The following GMDS variants were observed in gnomAD, a reference collection of about 807,000 sequenced individuals.
GMDS encodes GDP-mannose 4,6 dehydratase.
Under a neutral mutation model 49.9 loss-of-function variants are expected in GMDS, and 20 were observed. The ratio of observed to expected loss-of-function variants is 0.40; its 90% confidence interval spans 0.28 to 0.58. The LOEUF (loss-of-function observed/expected upper bound fraction) is 0.58, where lower values mean the gene tolerates loss of function less well. GMDS is among the 20% of genes least tolerant of loss of function. The pLI is 0.42. For missense variants in GMDS, 362 were observed against 481.4 expected (o/e 0.75, Z 2.32); for synonymous variants, 177 against 178.6 (o/e 0.99, Z 0.07).
intron 4 of GMDS, among the ~76,000 whole-genome samples, chr6:2,088,214 C>T (rs1013220229): frequency 2.0e-5 from 3 of 151,794 alleles, no homozygotes; most frequent in Non-Finnish European, 4.4e-5. Context: ...TTAGTGATAG[C>T]GGAGATCAGA....
chr6:2,145,940 G>A (rs1194645331), intron 1 of GMDS, among the ~76,000 whole-genome samples: 1 of 152,152 alleles, frequency 6.6e-6, no homozygotes, highest in Non-Finnish European at 1.5e-5. Context: ...GCACCCATGA[G>A]GGTTCCTGGA....
At chr6:2,066,930 G>A (rs1771640488) in intron 4 of GMDS, among the ~76,000 whole-genome samples, 1 of 151,930 alleles carries the variant, frequency 6.6e-6, no homozygotes, top group African/African-American at 2.4e-5. Flanking sequence ...CACATCTACA[G>A]AACCCTCCAC....
Position 1,836,408 on chromosome 6 carries a change from G to A in GMDS, c.771+93695C>T, listed in dbSNP as rs1333196621. On this transcript the variant is annotated intron_variant, in intron 7 of 10. Coordinates refer to ENST00000380815, the MANE Select transcript of GMDS (RefSeq NM_001500.4). This position sits in a 1 kb window ranked among gnomAD's most constrained non-coding sequence, Gnocchi z 4.2. ...AACTGCTACGCTATTTCACTAAACT[G>A]AAAAAGGCATTTGTGTTGCCTGTTC... Among the ~76,000 whole-genome samples the A allele has an allele frequency of 1.3e-5, 2 of 152,122 alleles. No individual in the cohort carries two copies. The highest frequency in any genetic ancestry group is 1.5e-5 in the Non-Finnish European group (1 of 68,024).
intron 7 of GMDS, among the ~76,000 whole-genome samples, chr6:1,841,610 T>C (rs1384988974): frequency 6.6e-6 from 1 of 152,218 alleles, no homozygotes; most frequent in Admixed American, 6.5e-5. Context: ...AATATCAGAA[T>C]GGGTAACACA....
Position 1,905,909 on chromosome 6 carries a change from C to T in GMDS, c.771+24194G>A, listed in dbSNP as rs375688683. Among the ~76,000 whole-genome samples the T allele has an allele frequency of 5.3e-5, 8 of 149,568 alleles. 2 individuals carry two copies. In the East Asian group the frequency reaches 9.8e-4, roughly 18 times the overall value. The stretch of plus-strand genomic sequence containing the variant: ...TAACCCCATAGGCCATCTGGGAACA[C>T]GTATGCAGGTGTCCCTGAGAAGGAG... On this transcript the variant is annotated intron_variant, in intron 7 of 10. Transcript: ENST00000380815.
At chr6:1,699,183 G>A (rs1765454494) in intron 9 of GMDS, among the ~76,000 whole-genome samples, 1 of 152,176 alleles carries the variant, frequency 6.6e-6, no homozygotes, top group Non-Finnish European at 1.5e-5. Flanking sequence ...TGGGTGAGAG[G>A]AGAGACACAA....
intron 7 of GMDS, among the ~76,000 whole-genome samples, chr6:1,861,272 G>A (rs1581267428): frequency 6.6e-6 from 1 of 152,146 alleles, no homozygotes; most frequent in African/African-American, 2.4e-5. Flanking sequence ...GTTCATTCTG[G>A]GAGGATACAT....
chr6:1,960,886 A>T lies in GMDS; in HGVS notation c.426T>A (p.Cys142Ter). ...AGAACTTCACAGAGTTGATAAGGCC[A>T]CAAGTCTTAACTGCATCTAGAAGTC... ...TLRLLDAVKT[C>*]GLINSVKFYQ... Residue 142 changes from cysteine (C) to a stop codon, truncating the protein, a stop_gained, in exon 5 of 11, where the codon TGT (cysteine) becomes TGA (stop). Coordinates refer to ENST00000380815, the MANE Select transcript of GMDS (RefSeq NM_001500.4). LOFTEE classifies it high-confidence loss of function. The T allele has an allele frequency of 6.2e-7, 1 of 1,611,662 alleles. No homozygotes were observed. Among genetic ancestry groups the T allele is most frequent in the Non-Finnish European group, 8.5e-7 (1 of 1,177,944 alleles).
intron 4 of GMDS, among the ~76,000 whole-genome samples, chr6:2,000,597 T>C (rs2127381510): frequency 6.6e-6 from 1 of 152,346 alleles, no homozygotes; most frequent in African/African-American, 2.4e-5. Context: ...TTGGAGCATG[T>C]ATCACTACTT....
At chr6:2,013,971 CT>C (rs1173083626) in intron 4 of GMDS, among the ~76,000 whole-genome samples, 2 of 116,718 alleles carry the variant, frequency 1.7e-5, no homozygotes, top group Non-Finnish European at 1.8e-5. Flanking sequence ...CATATCATAA[CT>C]GCAAAAAACC....
At chr6:2,067,442 C>T (rs1440058297) in intron 4 of GMDS, among the ~76,000 whole-genome samples, 1 of 151,258 alleles carries the variant, frequency 6.6e-6, no homozygotes, top group Non-Finnish European at 1.5e-5. Context: ...AATAGAGACA[C>T]AAAAAACCCT....
chr6:1,924,033 A>G (rs1427652119), intron 7 of GMDS, among the ~76,000 whole-genome samples: 4 of 152,198 alleles, frequency 2.6e-5, no homozygotes, highest in Admixed American at 2.0e-4. Flanking sequence ...ACCTGACTAC[A>G]TATTTTCCCC....
chr6:2,112,043 C>G (rs931550888), intron 4 of GMDS, among the ~76,000 whole-genome samples: 1 of 152,166 alleles, frequency 6.6e-6, no homozygotes, highest in East Asian at 1.9e-4. Context: ...TTCCCCACGC[C>G]CGCTCTGGCC....
intron 7 of GMDS, among the ~76,000 whole-genome samples, chr6:1,762,256 C>A (rs545462737): frequency 1.6e-4 from 24 of 152,328 alleles, no homozygotes; most frequent in African/African-American, 5.5e-4. Context: ...GTTTTCAATT[C>A]TGTTTTTTCC....
chr6:2,038,515 C>A (rs535762445), intron 4 of GMDS, among the ~76,000 whole-genome samples: 1 of 152,048 alleles, frequency 6.6e-6, no homozygotes, highest in Non-Finnish European at 1.5e-5. Flanking sequence ...GCAGCAAGAC[C>A]CATTCTTTGA....
intron 8 of GMDS, among the ~76,000 whole-genome samples, chr6:1,739,449 T>G (rs1352845842): frequency 6.6e-6 from 1 of 152,202 alleles, no homozygotes; most frequent in Admixed American, 6.5e-5. Context: ...GCCGTTCTTC[T>G]GCAATAGCAT....
chr6:1,630,264 A>T (rs1302987594), intron 9 of GMDS, among the ~76,000 whole-genome samples: 1 of 152,220 alleles, frequency 6.6e-6, no homozygotes, highest in Non-Finnish European at 1.5e-5. Flanking sequence ...CATGCTGGAG[A>T]TGTGTGGAGA....
chr6:1,801,200 T>C (rs1466919608), intron 7 of GMDS, among the ~76,000 whole-genome samples: 1 of 152,206 alleles, frequency 6.6e-6, no homozygotes, highest in African/African-American at 2.4e-5. Context: ...AGAAATATTC[T>C]GTGAGGAAGC....
At chr6:2,245,274 G>T in intron 1 of GMDS, 47 bp downstream of exon 1, 2 of 1,255,904 alleles carry the variant, frequency 1.6e-6, no homozygotes, top group South Asian at 1.3e-5. Flanking sequence ...GGGAGAGCAC[G>T]CGTGCCCAGG....
Sources: allele counts gnomAD v4.1 joint callset (sites outside exome capture counted in the v4.1 genomes callset), GRCh38; gene constraint gnomAD v4.1.1; non-coding constraint Gnocchi (gnomAD v3.1); transcripts MANE v1.5; gene names NCBI Gene and HGNC (gene_info 2026-07-23, HGNC 2026-07-21).